PDE5A: variants seen among roughly 807,000 people sequenced by gnomAD.
PDE5A encodes the protein phosphodiesterase 5A.
PDE5A carries 67 observed loss-of-function variants against 110.2 expected under a neutral mutation model. The ratio of observed to expected loss-of-function variants is 0.61; its 90% CI spans 0.50 to 0.75. The LOEUF (loss-of-function observed/expected upper bound fraction) is 0.75, where lower values mean the gene tolerates loss of function less well. Among genes scored for constraint, PDE5A ranks in the 30% least tolerant of loss-of-function variants. PDE5A has a pLI of 0.00. For missense variants in PDE5A, 862 were observed against 1,045.1 expected (o/e 0.82, Z 2.42); for synonymous variants, 328 against 351.2 (o/e 0.93, Z 0.74).
At chr4:119,583,487 C>CTTACACTT (rs879697619) in intron 3 of PDE5A, among the ~76,000 whole-genome samples, 10,913 of 152,250 alleles carry the variant, frequency 0.072, 537 homozygotes, top group Non-Finnish European at 0.1. Context: ...ATTGGAGTGG[C>CTTACACTT]ACTTACAGTC....
At chr4:119,555,698 A>G (rs1203639515) in intron 7 of PDE5A, among the ~76,000 whole-genome samples, 2 of 152,122 alleles carry the variant, frequency 1.3e-5, no homozygotes, top group Non-Finnish European at 2.9e-5. Context: ...CCAGGAAAAA[A>G]TCCAAAATGG....
chr4:119,575,632 A>T (rs1728306955), intron 3 of PDE5A, among the ~76,000 whole-genome samples: 1 of 152,178 alleles, frequency 6.6e-6, no homozygotes, highest in Non-Finnish European at 1.5e-5. Flanking sequence ...AGACAAGCAA[A>T]TGCTGAGAGA....
intron 2 of PDE5A, 29 bp from the exon 3 acceptor site, chr4:119,596,641 T>C: frequency 4.9e-6 from 6 of 1,218,544 alleles, no homozygotes; most frequent in Non-Finnish European, 6.0e-6. Context: ...TTCAATTTAA[T>C]GACTGACCTG....
intron 7 of PDE5A, among the ~76,000 whole-genome samples, 158 bp downstream of exon 7, chr4:119,560,138 C>T (rs1408382660): frequency 2.6e-5 from 4 of 152,172 alleles, no homozygotes; most frequent in African/African-American, 9.7e-5. Flanking sequence ...GTCTCTCCAT[C>T]TTGATGGAGG....
rs910206742 is a variant in PDE5A, at chr4:119,495,557, G to A, written c.*3044C>T. On this transcript the variant is annotated 3_prime_UTR_variant, in exon 21 of 21. Transcript: ENST00000354960. ...AACAGGTCTAATATTTATTTGCTATGCTGAAAATAAAGGCACTTCACTGCT... is the reference window on the plus strand; with the variant it reads ...AACAGGTCTAATATTTATTTGCTATACTGAAAATAAAGGCACTTCACTGCT... 1 of 152,554 alleles carries A rather than the reference G, an allele frequency of 6.6e-6. No homozygotes were observed. The highest frequency in any genetic ancestry group is 2.4e-5 in the African/African-American group (1 of 41,436). The allele number at this position is 152,554 out of a possible 1,614,324, so 9.5% of individuals were successfully genotyped here. A position where few individuals can be genotyped will look rare whatever the true frequency, so the allele number is the denominator to read the frequency against.
intron 3 of PDE5A, chr4:119,569,776 G>A (rs186397432): frequency 1.3e-5 from 2 of 152,736 alleles, no homozygotes; most frequent in East Asian, 3.9e-4. Flanking sequence ...AGGTCACTGT[G>A]ACAAGGGGCA....
chr4:119,512,550 G>C (rs184468977), intron 14 of PDE5A: 2 of 152,376 alleles, frequency 1.3e-5, no homozygotes, highest in African/African-American at 4.8e-5. Context: ...GATTAGAGTG[G>C]TAGCAGCCCA....
chr4:119,622,173 C>A (rs1209356987), intron 1 of PDE5A, among the ~76,000 whole-genome samples: 1 of 135,846 alleles, frequency 7.4e-6, no homozygotes, highest in African/African-American at 2.7e-5. Flanking sequence ...GACTCCATCT[C>A]AAAAAAAAAA....
At chr4:119,523,873 T>C (rs1452494966) in intron 12 of PDE5A, among the ~76,000 whole-genome samples, 2 of 152,036 alleles carry the variant, frequency 1.3e-5, no homozygotes, top group Non-Finnish European at 2.9e-5. Context: ...AGATACTATA[T>C]AGGTTTATAA....
Position 119,627,354 on chromosome 4 carries a change from C to T in PDE5A, c.152+1166G>A, listed in dbSNP as rs1357487274. 9.7e-7 allele frequency: 1 copy of T among 1,029,800 alleles called. No individual in the cohort carries two copies. Among genetic ancestry groups the T allele is most frequent in the Non-Finnish European group, 1.2e-6 (1 of 855,458 alleles). 63.8% of individuals were successfully genotyped at this position (1,029,800 alleles called of 1,614,324 possible). On this transcript the variant is annotated intron_variant, in intron 1 of 20. Coordinates refer to ENST00000354960, the MANE Select transcript of PDE5A (RefSeq NM_001083.4). This position sits in a 1 kb window ranked among gnomAD's most constrained non-coding sequence, Gnocchi z 4.6. ...TCCCGCTCGCCCCGCGCTGCGCCGC[C>T]CCCTGGCGGGGAGCGACCGGCAGAG...
At chr4:119,531,513 A>C (rs1490375101) in intron 11 of PDE5A, among the ~76,000 whole-genome samples, 1 of 152,068 alleles carries the variant, frequency 6.6e-6, no homozygotes, top group Non-Finnish European at 1.5e-5. Flanking sequence ...CCTGAGCTCA[A>C]GGATCTGTCC....
chr4:119,542,570 A>G lies in PDE5A; in HGVS notation c.1461T>C (p.Asn487=), dbSNP rs761821933. The stretch of plus-strand genomic sequence containing the variant: ...CAAAAGCTTCCAGAAACTGTTCGTC[A>G]TTTCGGTTGAAAGGCTTAACCTTGC... ...NTGKVKPFNR[N]DEQFLEAFVI... The change falls in exon 10 of 21, where the codon AAT becomes AAC. Residue 487 remains asparagine, a synonymous_variant. Transcript: ENST00000354960. 1 of 1,614,054 alleles carries G rather than the reference A, an allele frequency of 6.2e-7. No homozygotes were observed. The highest frequency in any genetic ancestry group is 1.1e-5 in the South Asian group (1 of 91,074).
At chr4:119,569,689 A>G (rs1394156182) in intron 3 of PDE5A, 1 of 152,588 alleles carries the variant, frequency 6.6e-6, no homozygotes, top group Non-Finnish European at 1.5e-5. Context: ...TAGGTAGTAT[A>G]AGTAATCTAG....
At chr4:119,621,811 G>A (rs1052045947) in intron 1 of PDE5A, among the ~76,000 whole-genome samples, 2 of 152,158 alleles carry the variant, frequency 1.3e-5, no homozygotes, top group African/African-American at 4.8e-5. Context: ...GCAACCAAAA[G>A]CTTTCTAATA....
At position 119,517,405 on chromosome 4, in the gene PDE5A, G is replaced by GA. The variant is rs35189456; in HGVS notation, c.2000+1639dup. ...TATCACTCATTTACCAACAAGGAAA[G>GA]AAAAAAAAAGAAAAATCCCTGGAAA... On this transcript the variant is annotated intron_variant, in intron 14 of 20. Transcript: ENST00000354960. 5.6e-4 allele frequency among the ~76,000 whole-genome samples: 82 copies of GA among 146,792 alleles called. 1 individual carries two copies. Among genetic ancestry groups the GA allele is most frequent in the African/African-American group, 6.5e-4 (26 of 39,728 alleles).
At chr4:119,500,503 G>T (rs1560591401) in intron 20 of PDE5A, among the ~76,000 whole-genome samples, 1 of 151,154 alleles carries the variant, frequency 6.6e-6, no homozygotes, top group Non-Finnish European at 1.5e-5. Context: ...ATATTTCTAG[G>T]TTTTTTTTCT....
chr4:119,539,363 A>C (rs759341947), intron 10 of PDE5A, among the ~76,000 whole-genome samples: 1 of 151,736 alleles, frequency 6.6e-6, no homozygotes, highest in East Asian at 1.9e-4. Context: ...TTTTTAAGAC[A>C]ATATTGACTT....
At chr4:119,503,134 C>T (rs1162656127) in intron 18 of PDE5A, among the ~76,000 whole-genome samples, 1 of 152,030 alleles carries the variant, frequency 6.6e-6, no homozygotes, top group African/African-American at 2.4e-5. Flanking sequence ...AGTTTTTGAT[C>T]TTGTTTTCTC....
intron 3 of PDE5A, among the ~76,000 whole-genome samples, chr4:119,590,346 T>A (rs1292183442): frequency 1.3e-5 from 2 of 152,188 alleles, no homozygotes; most frequent in Non-Finnish European, 2.9e-5. Context: ...CCCATACTCC[T>A]CAAACTACTC....
Sources: gnomAD v4.1 joint callset for allele counts (sites outside exome capture counted in the v4.1 genomes callset) on GRCh38, gnomAD v4.1.1 for gene constraint, Gnocchi (gnomAD v3.1) non-coding constraint, MANE v1.5 for transcripts, NCBI Gene and HGNC (gene_info 2026-07-23, HGNC 2026-07-21) for gene names.